The following LIN7A variants were observed in gnomAD, a reference collection of about 807,000 sequenced individuals.
The protein encoded by LIN7A is lin-7 cell polarity scaffold A.
LIN7A carries 25 observed loss-of-function variants against 29.8 expected under a neutral mutation model. The observed-to-expected ratio is 0.84, with a 90% confidence interval of 0.61 to 1.17. The LOEUF (loss-of-function observed/expected upper bound fraction) is 1.17. Ranked by LOEUF, LIN7A falls within the 50% of genes most tolerant of loss-of-function variation. The pLI, the probability that LIN7A is intolerant of heterozygous loss-of-function variation, is 0.00. For synonymous variants in LIN7A, 118 were observed against 107.5 expected (o/e 1.10, Z -0.60); for missense variants, 239 against 287.0 (o/e 0.83, Z 1.21).
chr12:80,796,122 A>G lies in LIN7A; in HGVS notation c.*1605T>C, dbSNP rs1274273781. The stretch of plus-strand genomic sequence containing the variant: ...GGGTAGTTTTGATTGGTTTTGTTTT[A>G]TTTTCAAGAAGACAGTCTAAACTGA... On this transcript the variant is annotated 3_prime_UTR_variant, in exon 6 of 6. Transcript: ENST00000552864. 6.6e-6 allele frequency: 1 copy of G among 152,070 alleles called. No individual in the cohort carries two copies. The highest frequency in any genetic ancestry group is 2.4e-5 in the African/African-American group (1 of 41,412). The allele number at this position is 152,070 out of a possible 1,614,324, so 9.4% of individuals were successfully genotyped here.
intron 2 of LIN7A, among the ~76,000 whole-genome samples, chr12:80,881,582 T>C (rs1252508938): frequency 6.6e-6 from 1 of 151,962 alleles, no homozygotes; most frequent in East Asian, 1.9e-4. Flanking sequence ...TATTTTACCA[T>C]GAACAATTTT....
At chr12:80,814,048 A>T (rs572396345) in intron 4 of LIN7A, among the ~76,000 whole-genome samples, 10 of 152,162 alleles carry the variant, frequency 6.6e-5, no homozygotes, top group Non-Finnish European at 1.2e-4. Context: ...GAGTTACAGA[A>T]AAATAAAGGA....
intron 4 of LIN7A, among the ~76,000 whole-genome samples, chr12:80,814,814 G>C (rs1044582348): frequency 1.3e-5 from 2 of 152,134 alleles, no homozygotes; most frequent in African/African-American, 4.8e-5. Flanking sequence ...CTTCAGTTTA[G>C]ACAAGGACTC....
intron 1 of LIN7A, among the ~76,000 whole-genome samples, chr12:80,899,784 T>TTTTTTTTTG (rs1876107820): frequency 7.0e-6 from 1 of 143,294 alleles, no homozygotes; most frequent in African/African-American, 2.5e-5. Context: ...TTTTTTTTTT[T>TTTTTTTTTG]TTGAGATCGA....
chr12:80,927,408 C>T (rs1395743639), intron 1 of LIN7A, among the ~76,000 whole-genome samples: 4 of 152,102 alleles, frequency 2.6e-5, no homozygotes, highest in Admixed American at 6.5e-5. Context: ...CTTGGCCTCC[C>T]AAAGTGCTGG....
intron 2 of LIN7A, among the ~76,000 whole-genome samples, chr12:80,875,487 A>G (rs1382350883): frequency 6.6e-6 from 1 of 152,216 alleles, no homozygotes; most frequent in Non-Finnish European, 1.5e-5. Context: ...GTACATATTT[A>G]TGCAAATACA....
chr12:80,890,158 CT>C (rs1165584533), intron 1 of LIN7A, among the ~76,000 whole-genome samples: 1 of 152,126 alleles, frequency 6.6e-6, no homozygotes, highest in African/African-American at 2.4e-5. Flanking sequence ...AACATGTAGT[CT>C]TTTATAGACA....
At chr12:80,875,534 A>C (rs1874641932) in intron 2 of LIN7A, among the ~76,000 whole-genome samples, 1 of 152,224 alleles carries the variant, frequency 6.6e-6, no homozygotes, top group African/African-American at 2.4e-5. Context: ...ATTACAGATC[A>C]CTTTTCAAGG....
chr12:80,863,477 C>T (rs921515100), intron 2 of LIN7A, among the ~76,000 whole-genome samples: 2 of 152,152 alleles, frequency 1.3e-5, no homozygotes, highest in South Asian at 2.1e-4. Context: ...TTAGCCAAGC[C>T]GCAATTAACC....
rs562281768 is a variant in LIN7A, at chr12:80,799,469, A to G, written c.*1-1743T>C. Among the ~76,000 whole-genome samples the G allele has an allele frequency of 4.7e-4, 72 of 152,316 alleles. No individual in the cohort carries two copies. The South Asian group carries it at 0.01, about 21-fold the overall frequency. Reference sequence around the variant, plus strand: ...AAGGGCAGTTAAGGTTGTAAATGAAATTAAGGTTGCTAAGAAGCCTATGTT... The same window carrying G: ...AAGGGCAGTTAAGGTTGTAAATGAAGTTAAGGTTGCTAAGAAGCCTATGTT... On this transcript the variant is annotated intron_variant, in intron 5 of 5. Transcript: ENST00000552864.
chr12:80,868,095 T>C (rs986642795), intron 2 of LIN7A, among the ~76,000 whole-genome samples: 39 of 152,218 alleles, frequency 2.6e-4, no homozygotes, highest in African/African-American at 9.4e-4. Context: ...GATTAGCAAC[T>C]TGACTGCACC....
chr12:80,929,719 A>C (rs536846437), intron 1 of LIN7A, among the ~76,000 whole-genome samples: 3 of 152,130 alleles, frequency 2.0e-5, no homozygotes, highest in African/African-American at 7.2e-5. Context: ...TTAAATATAT[A>C]TATGTACACA....
intron 5 of LIN7A, among the ~76,000 whole-genome samples, chr12:80,807,072 T>TTGTTTTTTTTTTTTTG (rs1555221349): frequency 1.7e-5 from 2 of 120,262 alleles, no homozygotes; most frequent in Non-Finnish European, 3.4e-5. Flanking sequence ...AGTTTTTTTT[T>TTGTTTTTTTTTTTTTG]TTTTTTTTTT....
chr12:80,854,463 A>C (rs1319670162), intron 2 of LIN7A, among the ~76,000 whole-genome samples: 2 of 137,110 alleles, frequency 1.5e-5, no homozygotes, highest in Non-Finnish European at 3.1e-5. Flanking sequence ...GTGTAGATGA[A>C]TCTGAAATGC....
chr12:80,833,397 T>TTC (rs1872464639), intron 4 of LIN7A, among the ~76,000 whole-genome samples: 1 of 152,212 alleles, frequency 6.6e-6, no homozygotes, highest in Non-Finnish European at 1.5e-5. Context: ...ATCTTTTCCT[T>TTC]TCTCTCCAAA....
At position 80,807,083 on chromosome 12, in the gene LIN7A, T is replaced by TTTTGTTTGTTTTTG. The variant is rs1555221409; in HGVS notation, c.*4381_*4382insCAAAAACAAACAAA. Among the ~76,000 whole-genome samples the TTTTGTTTGTTTTTG allele has an allele frequency of 9.5e-4, 130 of 137,248 alleles. 7 individuals carry two copies. Among genetic ancestry groups the TTTTGTTTGTTTTTG allele is most frequent in the South Asian group, 3.6e-3 (15 of 4,188 alleles). 90.0% of individuals were successfully genotyped at this position (137,248 alleles called of 152,430 possible). On this transcript the variant is annotated intron_variant, in intron 5 of 5. Coordinates refer to ENST00000552864, the MANE Select transcript of LIN7A (RefSeq NM_004664.4). ...ATGGAGTTTTTTTTTTTTTTTTTTT[T>TTTTGTTTGTTTTTG]TTTTTTTTGACGGAGTCTCGCTCTG...
intron 2 of LIN7A, among the ~76,000 whole-genome samples, chr12:80,867,055 G>C (rs1198562994): frequency 6.6e-6 from 1 of 151,986 alleles, no homozygotes; most frequent in African/African-American, 2.4e-5. Context: ...CTGGCTCAAG[G>C]CATCCTCTTG....
chr12:80,868,651 C>A (rs1319774461), intron 2 of LIN7A, among the ~76,000 whole-genome samples: 1 of 152,124 alleles, frequency 6.6e-6, no homozygotes, highest in Non-Finnish European at 1.5e-5. Flanking sequence ...TCTTCATAGC[C>A]ATGTGTTACG....
chr12:80,878,339 T>C, intron 2 of LIN7A, among the ~76,000 whole-genome samples: 1 of 152,228 alleles, frequency 6.6e-6, no homozygotes, highest in East Asian at 1.9e-4. Context: ...TACTTTAAAA[T>C]TCTGTTCCCC....
Sources: allele counts gnomAD v4.1 joint callset (sites outside exome capture counted in the v4.1 genomes callset), GRCh38; gene constraint gnomAD v4.1.1; transcripts MANE v1.5; gene names NCBI Gene and HGNC (gene_info 2026-07-23, HGNC 2026-07-21).